Variants in RPS6KC1 observed in about 807,000 individuals in gnomAD.
RPS6KC1 encodes the protein ribosomal protein S6 kinase C1, also known as inactive ribosomal protein S6 kinase delta-1.
RPS6KC1 carries 54 observed loss-of-function variants against 103.8 expected under a neutral mutation model. The observed-to-expected ratio is 0.52, with a 90% CI of 0.42 to 0.65. The LOEUF is 0.65. RPS6KC1 is among the 30% of genes least tolerant of loss of function. RPS6KC1 has a pLI of 0.00. For missense variants in RPS6KC1, 1,151 were observed against 1,253.8 expected (o/e 0.92, Z 1.24); for synonymous variants, 439 against 438.7 (o/e 1.00, Z -0.01).
chr1:213,068,139 G>A (rs1379717278), intron 1 of RPS6KC1, among the ~76,000 whole-genome samples: 1 of 152,022 alleles, frequency 6.6e-6, no homozygotes, highest in Non-Finnish European at 1.5e-5. Flanking sequence ...TTTGGGGGGT[G>A]GATTATTAGT....
chr1:213,240,492 A>G (rs1234459760), intron 10 of RPS6KC1, among the ~76,000 whole-genome samples: 1 of 152,094 alleles, frequency 6.6e-6, no homozygotes, highest in East Asian at 1.9e-4. Context: ...AAAAAAATTG[A>G]TATCAGGAGA....
intron 5 of RPS6KC1, among the ~76,000 whole-genome samples, chr1:213,125,031 A>G (rs1001332988): frequency 1.3e-5 from 2 of 152,158 alleles, no homozygotes; most frequent in African/African-American, 2.4e-5. Flanking sequence ...TGATGCCTGT[A>G]TAACTTTCTT....
chr1:213,274,955 A>G (rs1413984109), downstream of RPS6KC1, among the ~76,000 whole-genome samples: 1 of 151,660 alleles, frequency 6.6e-6, no homozygotes, highest in East Asian at 1.9e-4. Flanking sequence ...CTAAACAATA[A>G]CTCCTCCCCA....
the RPS6KC1 span, among the ~76,000 whole-genome samples, chr1:213,441,433 C>A: frequency 6.6e-6 from 1 of 152,170 alleles, no homozygotes; most frequent in South Asian, 2.1e-4. Context: ...TAATTGAGAA[C>A]ATGTCGTATT....
intron 8 of RPS6KC1, among the ~76,000 whole-genome samples, chr1:213,216,562 A>G (rs2093667883): frequency 6.6e-6 from 1 of 152,222 alleles, no homozygotes; most frequent in South Asian, 2.1e-4. Flanking sequence ...AATCAACAGA[A>G]TATACATTTT....
At chr1:213,565,282 A>G in the RPS6KC1 span, among the ~76,000 whole-genome samples, 1 of 152,254 alleles carries the variant, frequency 6.6e-6, no homozygotes, top group Non-Finnish European at 1.5e-5. Context: ...TAAGAGAAAC[A>G]GAAAAATACA....
the RPS6KC1 span, among the ~76,000 whole-genome samples, chr1:213,740,332 T>C: frequency 2.6e-5 from 4 of 152,162 alleles, no homozygotes; most frequent in African/African-American, 7.2e-5. Flanking sequence ...TTAAAATTTA[T>C]GGAACTGTAT....
chr1:213,488,208 C>T, the RPS6KC1 span, among the ~76,000 whole-genome samples: 4 of 152,226 alleles, frequency 2.6e-5, no homozygotes, highest in Non-Finnish European at 4.4e-5. Context: ...ATTCACCATC[C>T]TTAGCTCATG....
chr1:213,814,586 C>G, the RPS6KC1 span, among the ~76,000 whole-genome samples: 1 of 152,194 alleles, frequency 6.6e-6, no homozygotes, highest in Non-Finnish European at 1.5e-5. Context: ...TTCCACTCAC[C>G]TCCCTGAAGC....
the RPS6KC1 span, among the ~76,000 whole-genome samples, chr1:213,515,583 A>G: frequency 3.9e-5 from 6 of 151,982 alleles, no homozygotes; most frequent in Non-Finnish European, 8.8e-5. Context: ...TGTTCCATTG[A>G]TCTATATCTC....
At chr1:213,366,634 G>A in the RPS6KC1 span, among the ~76,000 whole-genome samples, 1 of 152,228 alleles carries the variant, frequency 6.6e-6, no homozygotes, top group Admixed American at 6.5e-5. Context: ...TACAAAAGCA[G>A]ACAGTGGGCT....
At chr1:213,276,417 G>A (rs1171841098), downstream of RPS6KC1, among the ~76,000 whole-genome samples, 1 of 152,162 alleles carries the variant, frequency 6.6e-6, no homozygotes, top group Non-Finnish European at 1.5e-5. Context: ...CGAGAATTGT[G>A]CAATAATGCA....
At chr1:213,704,407 A>C in the RPS6KC1 span, among the ~76,000 whole-genome samples, 61 of 151,192 alleles carry the variant, frequency 4.0e-4, no homozygotes, top group Admixed American at 2.9e-3. Flanking sequence ...AAAAAAAAAA[A>C]AAAAACTCTG....
At chr1:213,632,630 G>T in the RPS6KC1 span, among the ~76,000 whole-genome samples, 2 of 152,194 alleles carry the variant, frequency 1.3e-5, no homozygotes, top group East Asian at 1.9e-4. Context: ...AAACCAGAGC[G>T]CCTCTTCTCC....
intron 3 of RPS6KC1, among the ~76,000 whole-genome samples, chr1:213,079,287 AG>A (rs1558273964): frequency 6.6e-6 from 1 of 152,220 alleles, no homozygotes; most frequent in Non-Finnish European, 1.5e-5. Context: ...GGTGTACAGT[AG>A]GGTGAATTCC....
At chr1:213,268,709 G>C (rs908647654) in intron 14 of RPS6KC1, among the ~76,000 whole-genome samples, 5 of 150,562 alleles carry the variant, frequency 3.3e-5, no homozygotes, top group African/African-American at 1.2e-4. Context: ...AAAGGAAGGG[G>C]GCTATGGTAG....
chr1:213,122,720 TATGTTAGA>T (rs2084536356), intron 5 of RPS6KC1, among the ~76,000 whole-genome samples: 1 of 152,188 alleles, frequency 6.6e-6, no homozygotes, highest in African/African-American at 2.4e-5. Flanking sequence ...TGGTGTTATG[TATGTTAGA>T]ATATCTCTTG....
At chr1:213,368,830 A>C in the RPS6KC1 span, among the ~76,000 whole-genome samples, 133 of 152,340 alleles carry the variant, frequency 8.7e-4, no homozygotes, top group African/African-American at 2.7e-3. Flanking sequence ...TGCGGCCTGC[A>C]ATCTAAGTTG....
the RPS6KC1 span, among the ~76,000 whole-genome samples, chr1:213,735,137 A>G: frequency 6.6e-6 from 1 of 152,116 alleles, no homozygotes; most frequent in South Asian, 2.1e-4. Context: ...GTTAGCCAGG[A>G]TGGTCTTGAG....
Sources: gnomAD v4.1 joint callset for allele counts (sites outside exome capture counted in the v4.1 genomes callset) on GRCh38, gnomAD v4.1.1 for gene constraint, MANE v1.5 for transcripts, NCBI Gene and HGNC (gene_info 2026-07-23, HGNC 2026-07-21) for gene names.